The following RASA1 variants were observed in gnomAD, a reference collection of about 807,000 sequenced individuals.
The protein encoded by RASA1 is ras GTPase-activating protein 1.
RASA1 carries 25 observed loss-of-function variants against 132.2 expected under a neutral mutation model. The ratio of observed to expected loss-of-function variants is 0.19; its 90% CI spans 0.14 to 0.26. The LOEUF (loss-of-function observed/expected upper bound fraction) is 0.26, where lower values mean the gene tolerates loss of function less well. Among genes scored for constraint, RASA1 ranks in the 10% least tolerant of loss-of-function variants. RASA1 has a pLI of 1.00. For synonymous variants in RASA1, 477 were observed against 449.9 expected, an observed-to-expected ratio of 1.06 and a Z score of -0.76; for missense variants, 964 against 1,299.2, an observed-to-expected ratio of 0.74 and a Z score of 3.97.
intron 13 of RASA1, among the ~76,000 whole-genome samples, chr5:87,373,509 G>A (rs147811613): frequency 6.6e-6 from 1 of 152,224 alleles, no homozygotes; most frequent in African/African-American, 2.4e-5. Flanking sequence ...ATTACAACCT[G>A]TAGTGTAGAC....
chr5:87,297,171 A>G (rs1020587777), intron 1 of RASA1, among the ~76,000 whole-genome samples: 2 of 152,106 alleles, frequency 1.3e-5, no homozygotes, highest in Non-Finnish European at 2.9e-5. Flanking sequence ...GTATTTGCAT[A>G]TTGTCTACCT....
At chr5:87,323,349 A>G (rs1756964876) in intron 1 of RASA1, among the ~76,000 whole-genome samples, 2 of 152,152 alleles carry the variant, frequency 1.3e-5, no homozygotes, top group Non-Finnish European at 2.9e-5. Context: ...AATAATTGTA[A>G]CTTGTTTGGG....
chr5:87,278,909 CTTTTT>C (rs58122450), intron 1 of RASA1, among the ~76,000 whole-genome samples: 7 of 84,012 alleles, frequency 8.3e-5, no homozygotes, highest in African/African-American at 1.8e-4. Flanking sequence ...CTAATTTGTT[CTTTTT>C]TTTTTTTTTT....
chr5:87,313,143 A>C (rs1259784082), intron 1 of RASA1, among the ~76,000 whole-genome samples: 2 of 152,206 alleles, frequency 1.3e-5, no homozygotes, highest in Non-Finnish European at 2.9e-5. Context: ...TAGGGTGTTT[A>C]AGTGAGGAAA....
rs185883229 is a variant in RASA1, at chr5:87,315,013, G to A, written c.540-16335G>A. On this transcript the variant is annotated intron_variant, in intron 1 of 24. Coordinates refer to ENST00000274376, the MANE Select transcript of RASA1 (RefSeq NM_002890.3). The stretch of plus-strand genomic sequence containing the variant: ...ACCTTTTTGAGGGCATTATATTTGG[G>A]AGCTAGGCAGAATGTGGTTTCCAAA... 5.8e-4 allele frequency among the ~76,000 whole-genome samples: 88 copies of A among 152,232 alleles called. 1 individual carries two copies. Among genetic ancestry groups the A allele is most frequent in the Admixed American group, 1.2e-3 (19 of 15,282 alleles).
At chr5:87,369,531 T>C (rs527862117) in intron 11 of RASA1, among the ~76,000 whole-genome samples, 78 of 152,250 alleles carry the variant, frequency 5.1e-4, no homozygotes, top group Non-Finnish European at 7.4e-4. Context: ...CAGTTCAGCT[T>C]CAATCTGTTT....
chr5:87,294,848 T>C (rs1275383272), intron 1 of RASA1, among the ~76,000 whole-genome samples: 1 of 152,240 alleles, frequency 6.6e-6, no homozygotes, highest in Non-Finnish European at 1.5e-5. Context: ...AGTCTATAGA[T>C]GTCAGTTATA....
chr5:87,360,911 A>T (rs1760039289), intron 9 of RASA1, among the ~76,000 whole-genome samples: 1 of 152,186 alleles, frequency 6.6e-6, no homozygotes, highest in South Asian at 2.1e-4. Flanking sequence ...TGAGCAGAAA[A>T]TAAAGAGTTC....
intron 9 of RASA1, among the ~76,000 whole-genome samples, chr5:87,356,547 G>A (rs1759667217): frequency 6.6e-6 from 1 of 152,036 alleles, no homozygotes; most frequent in Non-Finnish European, 1.5e-5. Flanking sequence ...ACACCACCGT[G>A]CCTAGCTAAT....
In RASA1 at chr5:87,349,321, A is replaced by G. The variant is rs560064316; in HGVS notation, c.1210A>G (p.Thr404Ala). The G allele has an allele frequency of 1.3e-5, 21 of 1,612,134 alleles. No individual in the cohort carries two copies. The highest frequency in any genetic ancestry group is 1.8e-5 in the Non-Finnish European group (21 of 1,178,744). The change falls in exon 8 of 25, where the codon ACG becomes GCG. Residue 404 changes from threonine to alanine, a missense_variant. Physicochemically the swap from Thr to Ala is moderately conservative, Grantham distance 58 (BLOSUM62 0). Transcript: ENST00000274376. ...TATTCAGCGATTTAAAATATGTCCAACGCCAAACAATCAGTTTATGATGGG... is the reference window on the plus strand; with the variant it reads ...TATTCAGCGATTTAAAATATGTCCAGCGCCAAACAATCAGTTTATGATGGG... ...ENIQRFKICP[T>A]PNNQFMMGGR...
chr5:87,299,522 C>T (rs1755266550), intron 1 of RASA1, among the ~76,000 whole-genome samples: 1 of 151,996 alleles, frequency 6.6e-6, no homozygotes, highest in African/African-American at 2.4e-5. Flanking sequence ...GTATATGGTT[C>T]TCTTTTCTTT....
intron 1 of RASA1, among the ~76,000 whole-genome samples, chr5:87,287,308 C>T (rs1754654858): frequency 6.8e-6 from 1 of 147,480 alleles, no homozygotes. Flanking sequence ...CATATATACA[C>T]ACCATATATA....
intron 4 of RASA1, 55 bp downstream of exon 4, chr5:87,333,392 A>G: frequency 6.2e-7 from 1 of 1,602,468 alleles, no homozygotes; most frequent in Non-Finnish European, 8.5e-7. Flanking sequence ...GACTTCGAAG[A>G]TTTATTACTC....
chr5:87,293,352 A>G (rs925538782), intron 1 of RASA1, among the ~76,000 whole-genome samples: 3 of 151,992 alleles, frequency 2.0e-5, no homozygotes, highest in Admixed American at 6.6e-5. Flanking sequence ...GATTTTCTGC[A>G]TCTATTAATA....
intron 1 of RASA1, among the ~76,000 whole-genome samples, chr5:87,300,804 TAACG>T (rs1196511242): frequency 2.0e-5 from 3 of 152,276 alleles, no homozygotes; most frequent in African/African-American, 7.2e-5. Flanking sequence ...TTTACATAGT[TAACG>T]AACAGAGAAA....
intron 1 of RASA1, among the ~76,000 whole-genome samples, chr5:87,275,772 TG>T (rs1754037358): frequency 6.6e-6 from 1 of 152,196 alleles, no homozygotes; most frequent in Admixed American, 6.5e-5. Context: ...GGTTTCACCA[TG>T]TTGGCCAGGC....
intron 11 of RASA1, among the ~76,000 whole-genome samples, chr5:87,364,342 C>T (rs1291361062): frequency 6.6e-6 from 1 of 152,004 alleles, no homozygotes; most frequent in Non-Finnish European, 1.5e-5. Context: ...ATTAGTGTTA[C>T]TTGTGATTTT....
rs759467176 is a variant in RASA1, at chr5:87,337,961, T to C, written c.900-13T>C. The C allele has an allele frequency of 5.6e-6, 9 of 1,601,168 alleles. 1 individual carries two copies. In the Admixed American group the frequency reaches 1.5e-4, roughly 27 times the overall value. ...ATTTTTAAATTTAATAACTTTAAAA[T>C]TGCTATTTTCAGTTTCTTAAAAGGA... On this transcript the variant is annotated splice_polypyrimidine_tract_variant and intron_variant, in intron 4 of 24. Coordinates refer to ENST00000274376, the MANE Select transcript of RASA1 (RefSeq NM_002890.3).
At chr5:87,374,818 CT>C in intron 14 of RASA1, 21 bp from the exon 15 acceptor site, 1 of 1,604,640 alleles carries the variant, frequency 6.2e-7, no homozygotes, top group Non-Finnish European at 8.5e-7. Flanking sequence ...TTTGTTAATT[CT>C]TTTTCTCCTT....
Sources: gnomAD v4.1 joint callset for allele counts (sites outside exome capture counted in the v4.1 genomes callset) on GRCh38, gnomAD v4.1.1 for gene constraint, MANE v1.5 for transcripts, NCBI Gene and HGNC (gene_info 2026-07-23, HGNC 2026-07-21) for gene names.